TRPC6: variants seen among roughly 807,000 people sequenced by gnomAD.
The protein encoded by TRPC6 is transient receptor potential cation channel subfamily C member 6, also known as short transient receptor potential channel 6.
Under a neutral mutation model 90.7 loss-of-function variants are expected in TRPC6, and 55 were observed. The ratio of observed to expected loss-of-function variants is 0.61; its 90% CI spans 0.49 to 0.76. The LOEUF (loss-of-function observed/expected upper bound fraction) is 0.76, where lower values mean the gene tolerates loss of function less well. Among genes scored for constraint, TRPC6 ranks in the 30% least tolerant of loss-of-function variants. The probability of loss-of-function intolerance (pLI) is 0.00; values close to 1 mark genes in which losing one functional copy is unlikely to be tolerated. For missense variants in TRPC6, 989 were observed against 1,122.7 expected (o/e 0.88, Z 1.70); for synonymous variants, 393 against 393.0 (o/e 1.00, Z 0.00).
At chr11:101,458,879 C>G (rs573130218) in intron 10 of TRPC6, among the ~76,000 whole-genome samples, 32 of 152,256 alleles carry the variant, frequency 2.1e-4, no homozygotes, top group Admixed American at 1.2e-3. Flanking sequence ...CAGAAATTCA[C>G]TTACCATCTT....
At chr11:101,499,907 A>ATATG (rs769982906) in intron 2 of TRPC6, among the ~76,000 whole-genome samples, 2 of 106,114 alleles carry the variant, frequency 1.9e-5, no homozygotes, top group Admixed American at 1.0e-4. Context: ...ATGTGTATAT[A>ATATG]TATACACAGT....
At chr11:101,531,533 A>G (rs11224820) in intron 1 of TRPC6, among the ~76,000 whole-genome samples, 16,999 of 152,288 alleles carry the variant, frequency 0.11, 1,254 homozygotes, top group Non-Finnish European at 0.17. Flanking sequence ...TATTCTAAAA[A>G]AGAATTTGAC....
chr11:101,464,100 A>G (rs565030100), intron 10 of TRPC6, among the ~76,000 whole-genome samples: 3 of 152,220 alleles, frequency 2.0e-5, no homozygotes, highest in Non-Finnish European at 2.9e-5. Flanking sequence ...TTCAGTTTCT[A>G]TGTAGTTGTG....
intron 9 of TRPC6, 59 bp from the exon 10 acceptor site, chr11:101,469,560 T>C: frequency 1.4e-6 from 1 of 691,146 alleles, no homozygotes; most frequent in South Asian, 1.6e-5. Context: ...CTCTTCATTC[T>C]GTATTTTAAA....
chr11:101,501,195 G>C (rs773788674), intron 2 of TRPC6, among the ~76,000 whole-genome samples: 8 of 151,304 alleles, frequency 5.3e-5, no homozygotes, highest in African/African-American at 1.5e-4. Context: ...GGCTGACCAG[G>C]CCTAAGCTAT....
chr11:101,548,684 A>G (rs80119747), intron 1 of TRPC6, among the ~76,000 whole-genome samples: 15,656 of 151,596 alleles, frequency 0.1, 1,594 homozygotes, highest in East Asian at 0.54. Flanking sequence ...TTATTTATAA[A>G]AAAGAAAACT....
intron 1 of TRPC6, among the ~76,000 whole-genome samples, chr11:101,541,059 A>T (rs1415295494): frequency 2.0e-5 from 3 of 152,222 alleles, no homozygotes. Flanking sequence ...GGATGTGAAA[A>T]CAAAGACAAA....
At chr11:101,560,436 G>C (rs577821712) in intron 1 of TRPC6, among the ~76,000 whole-genome samples, 14 of 152,112 alleles carry the variant, frequency 9.2e-5, no homozygotes, top group Non-Finnish European at 1.8e-4. Flanking sequence ...CTTTACATCA[G>C]ATTTGCTTTA....
At chr11:101,495,383 A>C (rs1299128038) in intron 2 of TRPC6, among the ~76,000 whole-genome samples, 1 of 152,088 alleles carries the variant, frequency 6.6e-6, no homozygotes, top group Non-Finnish European at 1.5e-5. Flanking sequence ...ATTCTCAGTA[A>C]TCTACTATGT....
intron 1 of TRPC6, among the ~76,000 whole-genome samples, chr11:101,508,072 T>C (rs1860315029): frequency 6.6e-6 from 1 of 152,100 alleles, no homozygotes; most frequent in South Asian, 2.1e-4. Flanking sequence ...AAACACCCTT[T>C]ATTTTCAAAT....
intron 1 of TRPC6, among the ~76,000 whole-genome samples, chr11:101,566,874 C>T (rs1158791905): frequency 6.6e-6 from 1 of 152,214 alleles, no homozygotes; most frequent in Non-Finnish European, 1.5e-5. Context: ...TCCTGGCAAC[C>T]CGCAGACCAG....
chr11:101,517,519 A>G (rs780869143), intron 1 of TRPC6, among the ~76,000 whole-genome samples: 2 of 152,194 alleles, frequency 1.3e-5, no homozygotes, highest in Non-Finnish European at 2.9e-5. Context: ...TATTACTGCC[A>G]TTAGTCACTG....
At chr11:101,469,877 T>C (rs1191021055) in intron 9 of TRPC6, among the ~76,000 whole-genome samples, 1 of 152,210 alleles carries the variant, frequency 6.6e-6, no homozygotes, top group Non-Finnish European at 1.5e-5. Context: ...ATTCTCAAAG[T>C]ACTTTTATAT....
Position 101,491,723 on chromosome 11 carries a change from G to C in TRPC6, c.961C>G (p.Leu321Val). The C allele has an allele frequency of 6.2e-7, 1 of 1,604,796 alleles. No homozygotes were observed. The highest frequency in any genetic ancestry group is 1.3e-5 in the African/African-American group (1 of 74,434). Reference sequence around the variant, plus strand: ...ACAAAGTCTTTGCACTGCATTGACAGTTTTTTGTAGTCATTCTAGGAAAAA... The same window carrying C: ...ACAAAGTCTTTGCACTGCATTGACACTTTTTTGTAGTCATTCTAGGAAAAA... ...EKEFKNDYKK[L>V]SMQCKDFVVG... The change falls in exon 3 of 13, where the codon CTG (leucine) becomes GTG (valine). Residue 321 changes from leucine (L) to valine (V), a missense_variant. Physicochemically the swap from Leu to Val is conservative, Grantham distance 32 (BLOSUM62 1). Coordinates refer to ENST00000344327, the MANE Select transcript of TRPC6 (RefSeq NM_004621.6).
At chr11:101,558,197 ATGTGTG>A (rs1228605722) in intron 1 of TRPC6, among the ~76,000 whole-genome samples, 5 of 118,046 alleles carry the variant, frequency 4.2e-5, no homozygotes, top group Non-Finnish European at 6.7e-5. Context: ...ATACATATAT[ATGTGTG>A]TGTATACATG....
At chr11:101,561,422 T>C (rs1212808788) in intron 1 of TRPC6, among the ~76,000 whole-genome samples, 1 of 152,122 alleles carries the variant, frequency 6.6e-6, no homozygotes, top group Non-Finnish European at 1.5e-5. Flanking sequence ...TATACATGAG[T>C]TCCATGCCAA....
chr11:101,468,375 T>G (rs1464382023), intron 10 of TRPC6, among the ~76,000 whole-genome samples: 3 of 152,096 alleles, frequency 2.0e-5, no homozygotes. Context: ...GCTGGGAGGT[T>G]GGATATCAGA....
At chr11:101,511,514 C>G (rs903347558) in intron 1 of TRPC6, among the ~76,000 whole-genome samples, 2 of 151,906 alleles carry the variant, frequency 1.3e-5, no homozygotes, top group African/African-American at 2.4e-5. Flanking sequence ...CAACCCTACA[C>G]AGAAAAAAAG....
chr11:101,580,441 A>G (rs1348597454), intron 1 of TRPC6, among the ~76,000 whole-genome samples: 3 of 152,182 alleles, frequency 2.0e-5, no homozygotes, highest in Non-Finnish European at 4.4e-5. Flanking sequence ...TCTTCTGAAC[A>G]CCATTTCAAT....
Sources: allele counts gnomAD v4.1 joint callset (sites outside exome capture counted in the v4.1 genomes callset), GRCh38; gene constraint gnomAD v4.1.1; transcripts MANE v1.5; gene names NCBI Gene and HGNC (gene_info 2026-07-23, HGNC 2026-07-21).